Variants in KSR2 observed in about 807,000 individuals in gnomAD.
The protein encoded by KSR2 is kinase suppressor of ras 2.
KSR2 carries 25 observed loss-of-function variants against 107.8 expected under a neutral mutation model. The observed-to-expected ratio is 0.23, with a 90% confidence interval of 0.17 to 0.32. The LOEUF (loss-of-function observed/expected upper bound fraction) is 0.32, where lower values mean the gene tolerates loss of function less well. Among genes scored for constraint, KSR2 ranks in the 10% least tolerant of loss-of-function variants. KSR2 has a pLI of 1.00. For synonymous variants in KSR2, 480 were observed against 507.0 expected, an observed-to-expected ratio of 0.95 and a Z score of 0.71; for missense variants, 887 against 1,268.9, an observed-to-expected ratio of 0.70 and a Z score of 4.57.
intron 3 of KSR2, among the ~76,000 whole-genome samples, chr12:117,792,350 T>TAA (rs34784722): frequency 2.5e-4 from 37 of 146,054 alleles, no homozygotes; most frequent in African/African-American, 8.0e-4. Flanking sequence ...ACACTGTCTT[T>TAA]AAAAAAAAAA....
intron 1 of KSR2, among the ~76,000 whole-genome samples, chr12:117,864,443 GCA>G (rs1269097051): frequency 4.6e-5 from 7 of 151,950 alleles, no homozygotes; most frequent in Non-Finnish European, 1.0e-4. Context: ...CATGCATTGC[GCA>G]CACACACATA....
chr12:117,919,369 C>G (rs1237782685), intron 1 of KSR2, among the ~76,000 whole-genome samples: 2 of 152,162 alleles, frequency 1.3e-5, no homozygotes, highest in Non-Finnish European at 2.9e-5. Flanking sequence ...TAGCTGTCAA[C>G]TGCTTTGAAT....
chr12:117,525,058 G>T lies in KSR2; in HGVS notation c.2013C>A (p.Leu671=). ...CTTGCCCAAAGCGGCCCTTTCCAAT[G>T]AGCTCGCCGATCTCCAGCTGCTCAA... ...IPFEQLEIGE[L]IGKGRFGQVY... The change falls in exon 14 of 20, where the codon CTC becomes CTA. Residue 671 remains leucine, a synonymous_variant. Coordinates refer to ENST00000339824, the MANE Select transcript of KSR2 (RefSeq NM_173598.6). 1 of 1,613,990 alleles carries T rather than the reference G, an allele frequency of 6.2e-7. No homozygotes were observed. The highest frequency in any genetic ancestry group is 8.5e-7 in the Non-Finnish European group (1 of 1,179,894).
At chr12:117,557,966 G>C (rs568427003) in intron 8 of KSR2, among the ~76,000 whole-genome samples, 1 of 152,274 alleles carries the variant, frequency 6.6e-6, no homozygotes, top group South Asian at 2.1e-4. Context: ...TGCTTTTGCA[G>C]TGGAATCCTG....
intron 5 of KSR2, among the ~76,000 whole-genome samples, chr12:117,600,742 T>C (rs1341621768): frequency 6.6e-6 from 1 of 152,218 alleles, no homozygotes; most frequent in Non-Finnish European, 1.5e-5. Flanking sequence ...AGCCAGCTCA[T>C]GGTTTTCCAA....
At chr12:117,477,343 T>C (rs528283515) in intron 16 of KSR2, among the ~76,000 whole-genome samples, 1 of 152,202 alleles carries the variant, frequency 6.6e-6, no homozygotes, top group Non-Finnish European at 1.5e-5. Flanking sequence ...ATTTGGGGGA[T>C]TACAAATACA....
chr12:117,652,801 AG>A (rs1461051142), intron 5 of KSR2, among the ~76,000 whole-genome samples: 1 of 152,146 alleles, frequency 6.6e-6, no homozygotes, highest in Non-Finnish European at 1.5e-5. Context: ...GAGCTTATGG[AG>A]GTCAGGTAAT....
chr12:117,822,677 T>C (rs1389377645), intron 3 of KSR2, among the ~76,000 whole-genome samples: 2 of 152,152 alleles, frequency 1.3e-5, no homozygotes, highest in Non-Finnish European at 2.9e-5. Context: ...AGAAAATACA[T>C]GAGATATTCA....
chr12:117,594,782 G>A (rs1466464518), intron 5 of KSR2, among the ~76,000 whole-genome samples: 3 of 152,182 alleles, frequency 2.0e-5, no homozygotes, highest in African/African-American at 7.2e-5. Context: ...TCTCAATCGT[G>A]AGCCCTGTTG....
Position 117,551,674 on chromosome 12 carries a change from C to A in KSR2, c.1518+3495G>T, listed in dbSNP as rs536325836. On this transcript the variant is annotated intron_variant, in intron 9 of 19. Coordinates refer to ENST00000339824, the MANE Select transcript of KSR2 (RefSeq NM_173598.6). Reference sequence around the variant, plus strand: ...GCAGTGAAAAAAAAAATCTTCAGACCAAATTGGCTCAGAAATGTATTGCAC... The same window carrying A: ...GCAGTGAAAAAAAAAATCTTCAGACAAAATTGGCTCAGAAATGTATTGCAC... 1.1e-4 allele frequency among the ~76,000 whole-genome samples: 17 copies of A among 152,154 alleles called. No homozygotes were observed. The East Asian group carries it at 3.1e-3, about 28-fold the overall frequency.
intron 14 of KSR2, among the ~76,000 whole-genome samples, chr12:117,501,417 A>G (rs754339643): frequency 1.3e-5 from 2 of 152,238 alleles, no homozygotes; most frequent in Non-Finnish European, 2.9e-5. Flanking sequence ...CTTCAATTTC[A>G]GCCATTCTCC....
intron 3 of KSR2, among the ~76,000 whole-genome samples, chr12:117,836,682 G>A (rs996988668): frequency 6.6e-6 from 1 of 152,236 alleles, no homozygotes; most frequent in African/African-American, 2.4e-5. Flanking sequence ...GAATGACGCA[G>A]CCGGGAGGCC....
intron 14 of KSR2, among the ~76,000 whole-genome samples, chr12:117,487,607 A>G (rs771548058): frequency 2.0e-5 from 3 of 152,162 alleles, no homozygotes; most frequent in Non-Finnish European, 1.5e-5. Flanking sequence ...CTGGGTACTT[A>G]GTTCCTGAAC....
At chr12:117,925,602 C>T (rs1895491396) in intron 1 of KSR2, among the ~76,000 whole-genome samples, 1 of 152,136 alleles carries the variant, frequency 6.6e-6, no homozygotes, top group Admixed American at 6.6e-5. Context: ...ATAGTAATGA[C>T]AGCAGCAATG....
At chr12:117,960,924 C>T (rs372164517) in intron 1 of KSR2, among the ~76,000 whole-genome samples, 18 of 151,904 alleles carry the variant, frequency 1.2e-4, no homozygotes, top group East Asian at 3.9e-4. Flanking sequence ...CTCAGCCTTC[C>T]GAGTAGCTGG....
intron 1 of KSR2, among the ~76,000 whole-genome samples, chr12:117,866,228 ATTT>A (rs139339461): frequency 0.02 from 2,968 of 151,382 alleles, 93 homozygotes; most frequent in African/African-American, 0.068. Context: ...GCCTTTTTTA[ATTT>A]TTTGTAGAGA....
rs148818126 is a variant in KSR2, at chr12:117,502,835, T to C, written c.2220-17144A>G. ...CTTTGTCAACCAGGGAAGGAACTTC[T>C]TCCAGTTTCAACAACCCATGCCTCT... On this transcript the variant is annotated intron_variant, in intron 14 of 19. Transcript: ENST00000339824. Among the ~76,000 whole-genome samples, 500 of 152,278 alleles carry C rather than the reference T, an allele frequency of 3.3e-3. 4 individuals carry two copies. Among genetic ancestry groups the C allele is most frequent in the African/African-American group, 0.011 (476 of 41,564 alleles).
chr12:117,855,658 G>A (rs1893079449), intron 2 of KSR2, 80 bp from the exon 3 acceptor site: 1 of 1,428,250 alleles, frequency 7.0e-7, no homozygotes, highest in Admixed American at 1.9e-5. Context: ...GTGGTGCCTA[G>A]AGGAGAACAC....
intron 4 of KSR2, chr12:117,677,384 C>G (rs1721356518): frequency 6.6e-6 from 1 of 152,082 alleles, no homozygotes; most frequent in Admixed American, 6.6e-5. Flanking sequence ...GGACAACACA[C>G]CAGGGATGTA....
Sources: allele counts gnomAD v4.1 joint callset (sites outside exome capture counted in the v4.1 genomes callset), GRCh38; gene constraint gnomAD v4.1.1; transcripts MANE v1.5; gene names NCBI Gene and HGNC (gene_info 2026-07-23, HGNC 2026-07-21).